NCALD: variants seen among roughly 807,000 people sequenced by gnomAD.
NCALD encodes the protein neurocalcin delta.
NCALD carries 10 observed loss-of-function variants against 18.6 expected under a neutral mutation model. The observed-to-expected ratio is 0.54, with a 90% CI of 0.33 to 0.91. The LOEUF is 0.91. Among genes scored for constraint, NCALD ranks in the 40% least tolerant of loss-of-function variants. NCALD has a pLI of 0.03. For missense variants in NCALD, 184 were observed against 247.6 expected (o/e 0.74, Z 1.72); for synonymous variants, 88 against 87.4 (o/e 1.01, Z -0.04).
chr8:101,818,812 C>G (rs1449209077), intron 4 of NCALD, among the ~76,000 whole-genome samples: 1 of 152,080 alleles, frequency 6.6e-6, no homozygotes. Context: ...TCAAGACCAA[C>G]TGGTTAACAT....
At chr8:101,970,456 G>C (rs1820198806) in intron 2 of NCALD, among the ~76,000 whole-genome samples, 1 of 152,128 alleles carries the variant, frequency 6.6e-6, no homozygotes, top group South Asian at 2.1e-4. Context: ...ACCATCAAAA[G>C]AGTCTGAATT....
chr8:101,921,933 T>C (rs372489117), intron 2 of NCALD, among the ~76,000 whole-genome samples: 18 of 151,172 alleles, frequency 1.2e-4, no homozygotes, highest in East Asian at 5.8e-4. Flanking sequence ...CCAAACATGA[T>C]ACAACTTGAA....
intron 2 of NCALD, among the ~76,000 whole-genome samples, chr8:102,009,705 G>T (rs1821838107): frequency 1.3e-5 from 2 of 152,312 alleles, no homozygotes; most frequent in Admixed American, 6.5e-5. Context: ...CAGCCTGCAA[G>T]GTAGAAAATG....
intron 1 of NCALD, among the ~76,000 whole-genome samples, chr8:101,720,472 A>T (rs1028416426): frequency 1.3e-5 from 2 of 152,206 alleles, no homozygotes; most frequent in African/African-American, 4.8e-5. Flanking sequence ...CCTGAGAGAT[A>T]ACAATTGCTA....
chr8:101,693,883 C>T (rs1397348274), intron 2 of NCALD: 3 of 152,176 alleles, frequency 2.0e-5, no homozygotes, highest in Non-Finnish European at 4.4e-5. Context: ...GAGATGGAAA[C>T]CACCTGCCAT....
intron 4 of NCALD, among the ~76,000 whole-genome samples, chr8:101,834,426 G>A (rs994851772): frequency 5.3e-5 from 8 of 152,322 alleles, no homozygotes; most frequent in East Asian, 1.9e-4. Flanking sequence ...TATTCACTCC[G>A]TGCCCCTGCC....
At chr8:101,885,239 C>G (rs1404924951) in intron 4 of NCALD, among the ~76,000 whole-genome samples, 1 of 152,148 alleles carries the variant, frequency 6.6e-6, no homozygotes, top group African/African-American at 2.4e-5. Flanking sequence ...TAATTATAAA[C>G]CTAGAGTCTA....
intron 2 of NCALD, among the ~76,000 whole-genome samples, chr8:101,927,959 T>C (rs976323571): frequency 6.6e-6 from 1 of 152,180 alleles, no homozygotes; most frequent in South Asian, 2.1e-4. Context: ...GAGAAAATAT[T>C]TTAACAAATA....
chr8:101,723,958 C>CT (rs1816468996), intron 1 of NCALD, among the ~76,000 whole-genome samples: 1 of 152,170 alleles, frequency 6.6e-6, no homozygotes. Flanking sequence ...AAGTAACACT[C>CT]TATAAGCCAA....
intron 2 of NCALD, among the ~76,000 whole-genome samples, chr8:101,703,108 C>G (rs1474958243): frequency 6.6e-6 from 1 of 151,824 alleles, no homozygotes; most frequent in Non-Finnish European, 1.5e-5. Flanking sequence ...AGGACTGACT[C>G]TTATTCTGAC....
rs1404024677 is a variant in NCALD, at chr8:101,696,024, T to C, written c.379-3128A>G. 2.6e-5 allele frequency among the ~76,000 whole-genome samples: 4 copies of C among 152,182 alleles called. No homozygotes were observed. In the East Asian group the frequency reaches 7.7e-4, roughly 29 times the overall value. On this transcript the variant is annotated intron_variant, in intron 2 of 3. Transcript: ENST00000220931. ...CTCTTCACATAATTAAACATATTCATGTGAAACCCCTTAAAGACTTAATCT... is the reference window on the plus strand; with the variant it reads ...CTCTTCACATAATTAAACATATTCACGTGAAACCCCTTAAAGACTTAATCT...
chr8:101,882,884 T>C (rs1305447179), intron 4 of NCALD, among the ~76,000 whole-genome samples: 1 of 152,212 alleles, frequency 6.6e-6, no homozygotes, highest in East Asian at 1.9e-4. Flanking sequence ...CAGGCATGTA[T>C]TGTTTTCTGT....
intron 3 of NCALD, chr8:101,691,243 A>G: frequency 1.0e-6 from 1 of 984,572 alleles, no homozygotes; most frequent in Non-Finnish European, 1.2e-6. Flanking sequence ...TTCCTTCTAC[A>G]GCTCCCACCC....
At chr8:102,057,129 G>C (rs1186744549) in intron 1 of NCALD, among the ~76,000 whole-genome samples, 1 of 152,100 alleles carries the variant, frequency 6.6e-6, no homozygotes, top group South Asian at 2.1e-4. Flanking sequence ...CTCATTTGTG[G>C]GCACCTCATG....
At chr8:101,844,014 T>G (rs1038728641) in intron 4 of NCALD, among the ~76,000 whole-genome samples, 4 of 152,318 alleles carry the variant, frequency 2.6e-5, no homozygotes, top group South Asian at 2.1e-4. Context: ...CATACTGGCT[T>G]GCCAGTCTTT....
At chr8:101,925,325 A>C (rs1381918884) in intron 2 of NCALD, among the ~76,000 whole-genome samples, 2 of 152,174 alleles carry the variant, frequency 1.3e-5, no homozygotes, top group Admixed American at 6.5e-5. Flanking sequence ...ACATTTATTC[A>C]GCATCCACCA....
At chr8:101,972,662 C>T (rs1167361825) in intron 2 of NCALD, among the ~76,000 whole-genome samples, 1 of 152,126 alleles carries the variant, frequency 6.6e-6, no homozygotes, top group East Asian at 1.9e-4. Context: ...GTTACTTTTT[C>T]CCAACCTAAA....
Position 101,997,993 on chromosome 8 carries a change from A to G in NCALD, c.-157+22244T>C, listed in dbSNP as rs1388221276. On this transcript the variant is annotated intron_variant, in intron 2 of 6. Transcript: ENST00000311028. ...CCAACAGAAATAGCCCATTAGGACA[A>G]TAAGAGCATTCAGGTAATGACAGCC... is the stretch of plus-strand genomic sequence containing the variant. Among the ~76,000 whole-genome samples the G allele has an allele frequency of 2.6e-5, 4 of 152,242 alleles. No individual in the cohort carries two copies. The East Asian group carries it at 7.7e-4, about 29-fold the overall frequency.
chr8:102,005,372 A>C (rs902854130), intron 2 of NCALD, among the ~76,000 whole-genome samples: 2 of 152,206 alleles, frequency 1.3e-5, no homozygotes, highest in African/African-American at 4.8e-5. Flanking sequence ...AAAAGTCAGG[A>C]AACAACAGGT....
Sources: gnomAD v4.1 joint callset for allele counts (sites outside exome capture counted in the v4.1 genomes callset) on GRCh38, gnomAD v4.1.1 for gene constraint, MANE v1.5 for transcripts, NCBI Gene and HGNC (gene_info 2026-07-23, HGNC 2026-07-21) for gene names.